Variants in TKT observed in about 807,000 individuals in gnomAD.
TKT encodes the protein epididymis luminal protein 107.
In TKT, 47 loss-of-function variants were observed where a neutral mutation model predicts 63.9. The ratio of observed to expected loss-of-function variants is 0.74; its 90% CI spans 0.58 to 0.94. The LOEUF (loss-of-function observed/expected upper bound fraction) is 0.94, where lower values mean the gene tolerates loss of function less well. Among genes scored for constraint, TKT ranks in the 40% least tolerant of loss-of-function variants. The pLI is 0.00. For missense variants in TKT, 721 were observed against 846.2 expected (o/e 0.85, Z 1.84); for synonymous variants, 338 against 334.1 (o/e 1.01, Z -0.13).
intron 2 of TKT, 48 bp from the exon 3 acceptor site, chr3:53,241,293 A>G: frequency 6.5e-7 from 1 of 1,530,622 alleles, no homozygotes; most frequent in Non-Finnish European, 8.8e-7. Context: ...GAGCGGTTCT[A>G]CTTCGGGCTG....
At position 53,228,296 on chromosome 3, in the gene TKT, AGTC is replaced by A; in HGVS notation, c.1456_1458del (p.Asp486del). On this transcript the variant is annotated inframe_deletion, in exon 11 of 14. Coordinates refer to ENST00000462138, the MANE Select transcript of TKT (RefSeq NM_001064.4). Reference sequence around the variant, plus strand: ...CTGACCTTGGCTTGTCCGACCTGGAAGTCCTCATTGTTGTTATAGATGATGGCA... The same window carrying A: ...CTGACCTTGGCTTGTCCGACCTGGAACTCATTGTTGTTATAGATGATGGCA... 6.2e-7 allele frequency: 1 copy of A among 1,614,182 alleles called. No individual in the cohort carries two copies. The highest frequency in any genetic ancestry group is 8.5e-7 in the Non-Finnish European group (1 of 1,180,014).
intron 10 of TKT, chr3:53,228,603 G>A (rs1704605463): frequency 3.7e-6 from 2 of 536,550 alleles, no homozygotes; most frequent in African/African-American, 3.8e-5. Flanking sequence ...ACTGGCTGCA[G>A]GTGGGCTACT....
At chr3:53,232,433 T>G (rs1575562524) in intron 6 of TKT, 3 of 398,908 alleles carry the variant, frequency 7.5e-6, no homozygotes, top group Non-Finnish European at 8.8e-6. Flanking sequence ...AGCAGGCAGG[T>G]GGGCAGCCAG....
intron 6 of TKT, chr3:53,232,534 T>G: frequency 5.0e-6 from 2 of 398,714 alleles, no homozygotes; most frequent in Non-Finnish European, 8.8e-6. Context: ...CCCTGACCAC[T>G]TGTAGTCTCA....
intron 6 of TKT, chr3:53,232,574 T>C (rs1287563546): frequency 7.5e-6 from 3 of 398,558 alleles, no homozygotes; most frequent in Admixed American, 4.4e-5. Context: ...GGTGAGGCCA[T>C]CCCAGGCCTA....
rs782694242 is a variant in TKT, at chr3:53,229,127, C to T, written c.1275G>A (p.Gly425=). Residue 425 remains glycine, a synonymous_variant, in exon 10 of 14, where the codon GGG becomes GGA. Coordinates refer to ENST00000462138, the MANE Select transcript of TKT (RefSeq NM_001064.4). The part of the protein sequence containing the change: ...SHCGVSIGED[G]PSQMALEDLA... ...GATCTTCTAGGGCCATCTGGGAGGGCCCGTCTTCCCCTGGGGTGTGGGGGA... is the reference window on the plus strand; with the variant it reads ...GATCTTCTAGGGCCATCTGGGAGGGTCCGTCTTCCCCTGGGGTGTGGGGGA... The T allele has an allele frequency of 8.7e-6, 14 of 1,614,032 alleles. No individual in the cohort carries two copies. In the East Asian group the frequency reaches 1.6e-4, roughly 18 times the overall value.
At position 53,229,151 on chromosome 3, in the gene TKT, G is replaced by A. The variant is rs781874677; in HGVS notation, c.1265-14C>T. 1 of 1,614,110 alleles carries A rather than the reference G, an allele frequency of 6.2e-7. No individual in the cohort carries two copies. The highest frequency in any genetic ancestry group is 8.5e-7 in the Non-Finnish European group (1 of 1,179,994). On this transcript the variant is annotated splice_polypyrimidine_tract_variant and intron_variant, in intron 9 of 13. Coordinates refer to ENST00000462138, the MANE Select transcript of TKT (RefSeq NM_001064.4). ...GCCCGTCTTCCCCTGGGGTGTGGGG[G>A]AAAGGATATGCAGAAATAAGACCCC...
rs1196201039 is a variant in TKT, at chr3:53,225,675, CCCT to C, written c.*78_*80del. 3.6e-6 allele frequency: 5 copies of C among 1,401,016 alleles called. No individual in the cohort carries two copies. The African/African-American group carries it at 5.8e-5, about 16-fold the overall frequency. The allele number at this position is 1,401,016 out of a possible 1,614,324, so 86.8% of individuals were successfully genotyped here. ...CATTTTTCTCAAAACATATATTTAC[CCCT>C]CCTCTCAGTACATCTTTGAGCACCT... On this transcript the variant is annotated 3_prime_UTR_variant, in exon 14 of 14. Transcript: ENST00000462138.
chr3:53,229,717 C>T (rs945423110), intron 8 of TKT, among the ~76,000 whole-genome samples: 6 of 152,048 alleles, frequency 3.9e-5, no homozygotes, highest in Non-Finnish European at 5.9e-5. Context: ...ACCAGCTGCC[C>T]TTCAAGGCTC....
At chr3:53,253,315 T>G (rs1705838260) in intron 1 of TKT, among the ~76,000 whole-genome samples, 1 of 148,650 alleles carries the variant, frequency 6.7e-6, no homozygotes, top group South Asian at 2.1e-4. Flanking sequence ...TCTCTCTCTC[T>G]TTCTTTCTTT....
chr3:53,243,061 G>A (rs1705354110), intron 1 of TKT, among the ~76,000 whole-genome samples: 1 of 152,132 alleles, frequency 6.6e-6, no homozygotes, highest in Non-Finnish European at 1.5e-5. Context: ...TTCTGCCTAT[G>A]GACAAGGGCT....
intron 3 of TKT, among the ~76,000 whole-genome samples, chr3:53,240,697 G>A (rs985799502): frequency 1.2e-4 from 18 of 152,202 alleles, no homozygotes; most frequent in Non-Finnish European, 2.5e-4. Context: ...CAGACCATGT[G>A]ACAGTTTTTG....
intron 1 of TKT, among the ~76,000 whole-genome samples, chr3:53,248,760 G>C (rs1431263182): frequency 1.3e-5 from 2 of 152,100 alleles, no homozygotes; most frequent in African/African-American, 2.4e-5. Flanking sequence ...ATGTCTAGAA[G>C]AGTTAAATTT....
chr3:53,247,471 C>T (rs1212520540), intron 1 of TKT, among the ~76,000 whole-genome samples: 2 of 151,256 alleles, frequency 1.3e-5, no homozygotes, highest in African/African-American at 4.9e-5. Flanking sequence ...CCCGCCTCTA[C>T]TAAAAACACA....
At chr3:53,241,604 C>T (rs1348133381) in intron 2 of TKT, among the ~76,000 whole-genome samples, 6 of 152,240 alleles carry the variant, frequency 3.9e-5, no homozygotes, top group Non-Finnish European at 7.3e-5. Context: ...AGAGACCAAA[C>T]GCCACGGAGG....
chr3:53,241,128 T>C lies in TKT; in HGVS notation c.339+4A>G. 1 of 1,550,330 alleles carries C rather than the reference T, an allele frequency of 6.5e-7. No homozygotes were observed. Among genetic ancestry groups the C allele is most frequent in the South Asian group, 1.2e-5 (1 of 80,520 alleles). ...GCATGGGAGGCTCTGGCAGGAGCAC[T>C]TACCGGGACCGGGTGCCCGTCCAAG... On this transcript the variant is annotated splice_donor_region_variant and intron_variant, in intron 3 of 13. Coordinates refer to ENST00000462138, the MANE Select transcript of TKT (RefSeq NM_001064.4).
intron 1 of TKT, among the ~76,000 whole-genome samples, chr3:53,249,069 C>T (rs782811874): frequency 1.3e-5 from 2 of 151,906 alleles, no homozygotes; most frequent in Non-Finnish European, 2.9e-5. Context: ...CGGGTTCAAG[C>T]GATTCTCATG....
intron 5 of TKT, chr3:53,233,946 C>T (rs60084328): frequency 0.17 from 26,607 of 152,164 alleles, 2,444 homozygotes; most frequent in South Asian, 0.29. Flanking sequence ...ACTGAGACAC[C>T]GAAGGTGGAG....
At chr3:53,253,121 G>A (rs1553681868) in intron 1 of TKT, among the ~76,000 whole-genome samples, 5 of 151,988 alleles carry the variant, frequency 3.3e-5, no homozygotes, top group Non-Finnish European at 7.4e-5. Flanking sequence ...GGATTAAAGG[G>A]ATGAGTCACT....
Sources: allele counts gnomAD v4.1 joint callset (sites outside exome capture counted in the v4.1 genomes callset), GRCh38; gene constraint gnomAD v4.1.1; transcripts MANE v1.5; gene names NCBI Gene and HGNC (gene_info 2026-07-23, HGNC 2026-07-21).